The following NDUFAF2 variants were observed in gnomAD, a reference collection of about 807,000 sequenced individuals.
NDUFAF2 encodes NADH dehydrogenase [ubiquinone] 1 alpha subcomplex assembly factor 2.
Under a neutral mutation model 22.8 loss-of-function variants are expected in NDUFAF2, and 13 were observed. The ratio of observed to expected loss-of-function variants is 0.57; its 90% CI spans 0.37 to 0.91. NDUFAF2 has a LOEUF of 0.91. Ranked by LOEUF, NDUFAF2 falls within the 40% of genes least tolerant of loss-of-function variation. The pLI, the probability that NDUFAF2 is intolerant of heterozygous loss-of-function variation, is 0.01. For missense variants in NDUFAF2, 162 were observed against 195.2 expected (o/e 0.83, Z 1.01); for synonymous variants, 53 against 64.2 (o/e 0.83, Z 0.84).
chr5:61,031,505 A>G (rs1026738063), intron 1 of NDUFAF2, among the ~76,000 whole-genome samples: 1 of 115,158 alleles, frequency 8.7e-6, no homozygotes, highest in African/African-American at 2.7e-5. Context: ...TTATGGCTGC[A>G]TAGTATTCCA....
At chr5:61,025,197 ACAT>A (rs1751634641) in intron 1 of NDUFAF2, among the ~76,000 whole-genome samples, 1 of 152,010 alleles carries the variant, frequency 6.6e-6, no homozygotes, top group Admixed American at 6.6e-5. Flanking sequence ...TGTATTCTGC[ACAT>A]CTCCATAACC....
chr5:60,985,563 T>C (rs948542991), intron 1 of NDUFAF2, among the ~76,000 whole-genome samples: 6 of 152,228 alleles, frequency 3.9e-5, no homozygotes, highest in African/African-American at 7.2e-5. Flanking sequence ...CACACTGCTT[T>C]AAATGTGTCC....
At chr5:61,108,972 AT>A (rs1423893986) in intron 3 of NDUFAF2, among the ~76,000 whole-genome samples, 2 of 151,440 alleles carry the variant, frequency 1.3e-5, no homozygotes, top group African/African-American at 4.9e-5. Flanking sequence ...TAATTTTAGA[AT>A]TTTTTTTCTA....
chr5:61,013,231 A>C (rs1393542215), intron 1 of NDUFAF2, among the ~76,000 whole-genome samples: 3 of 152,166 alleles, frequency 2.0e-5, no homozygotes. Flanking sequence ...CAGCTGATAA[A>C]TAAAAAATAT....
At position 60,945,327 on chromosome 5, in the gene NDUFAF2, C is replaced by G; in HGVS notation, c.72C>G (p.Gly24=). The G allele has an allele frequency of 6.2e-7, 1 of 1,614,122 alleles. No homozygotes were observed. The highest frequency in any genetic ancestry group is 1.1e-5 in the South Asian group (1 of 91,064). The change falls in exon 1 of 4, where the codon GGC becomes GGG. Residue 24 remains glycine (G), a synonymous_variant. Transcript: ENST00000296597. ...CAAGGGAAGTGAAGGAGCACGTGGG[C>G]ACGGACCAATTCGGGAACAAATACT... is the stretch of plus-strand genomic sequence containing the variant. ...SLSREVKEHV[G]TDQFGNKYYY... is the part of the protein sequence containing the mutation.
chr5:61,003,952 C>T (rs1400914880), intron 1 of NDUFAF2, among the ~76,000 whole-genome samples: 1 of 152,088 alleles, frequency 6.6e-6, no homozygotes, highest in African/African-American at 2.4e-5. Context: ...CAAGCACGAG[C>T]TACTGTGCCC....
At chr5:60,985,073 C>A (rs1751053147) in intron 1 of NDUFAF2, among the ~76,000 whole-genome samples, 1 of 152,130 alleles carries the variant, frequency 6.6e-6, no homozygotes, top group South Asian at 2.1e-4. Context: ...AATTTCAGAG[C>A]CTGTTATTGG....
chr5:61,049,844 A>G (rs1241064288), intron 1 of NDUFAF2, among the ~76,000 whole-genome samples: 1 of 151,438 alleles, frequency 6.6e-6, no homozygotes, highest in African/African-American at 2.4e-5. Context: ...ACACACATAC[A>G]CAATGAAAAT....
At chr5:60,983,581 GGTGTAAGGAAGGGATCCA>G (rs1242753315) in intron 1 of NDUFAF2, among the ~76,000 whole-genome samples, 2 of 150,252 alleles carry the variant, frequency 1.3e-5, no homozygotes, top group African/African-American at 4.9e-5. Flanking sequence ...TTTTGTATAA[GGTGTAAGGAAGGGATCCA>G]GTTTCAGCTT....
chr5:61,103,201 C>G (rs1005883761), intron 3 of NDUFAF2, among the ~76,000 whole-genome samples: 8 of 152,064 alleles, frequency 5.3e-5, no homozygotes, highest in African/African-American at 1.7e-4. Flanking sequence ...TGATTTGGGC[C>G]CAGCCCGACT....
At chr5:61,111,261 T>C (rs1288819490) in intron 3 of NDUFAF2, among the ~76,000 whole-genome samples, 2 of 152,204 alleles carry the variant, frequency 1.3e-5, no homozygotes, top group Non-Finnish European at 2.9e-5. Context: ...ATGATCCATG[T>C]GCTTAACGAG....
intron 1 of NDUFAF2, among the ~76,000 whole-genome samples, chr5:60,984,215 T>G (rs149249183): frequency 0.57 from 86,650 of 151,978 alleles, 26,000 homozygotes; most frequent in East Asian, 0.94. Flanking sequence ...TATTGGTGTA[T>G]AAGAATGCCT....
chr5:61,008,841 G>C (rs1751406970), intron 1 of NDUFAF2, among the ~76,000 whole-genome samples: 1 of 151,990 alleles, frequency 6.6e-6, no homozygotes, highest in South Asian at 2.1e-4. Flanking sequence ...ATATTGACTA[G>C]GGCCTTGAAG....
At chr5:61,045,663 G>C (rs1751944892) in intron 1 of NDUFAF2, among the ~76,000 whole-genome samples, 1 of 147,680 alleles carries the variant, frequency 6.8e-6, no homozygotes, top group African/African-American at 2.5e-5. Flanking sequence ...ATAGTTTACT[G>C]TTAGTGTATT....
chr5:61,097,557 C>T (rs185839038), intron 2 of NDUFAF2, among the ~76,000 whole-genome samples: 75 of 152,284 alleles, frequency 4.9e-4, no homozygotes, highest in African/African-American at 1.7e-3. Flanking sequence ...TAGAGCTGGT[C>T]ACAAGAGATA....
At chr5:61,089,008 G>A (rs1413647666) in intron 2 of NDUFAF2, among the ~76,000 whole-genome samples, 2 of 152,002 alleles carry the variant, frequency 1.3e-5, no homozygotes, top group Admixed American at 6.6e-5. Context: ...TATTGACAAC[G>A]CTTCTAAAGG....
intron 1 of NDUFAF2, among the ~76,000 whole-genome samples, chr5:61,004,433 A>G (rs1247077142): frequency 6.6e-6 from 1 of 152,130 alleles, no homozygotes; most frequent in African/African-American, 2.4e-5. Flanking sequence ...ACTATTGAGG[A>G]GTATTTCAAA....
chr5:61,103,752 G>T (rs941731505), intron 3 of NDUFAF2, among the ~76,000 whole-genome samples: 3 of 152,000 alleles, frequency 2.0e-5, no homozygotes, highest in African/African-American at 7.2e-5. Context: ...TCTGTATTTT[G>T]TTCATAGGAA....
At chr5:61,059,035 G>A (rs1289930890) in intron 1 of NDUFAF2, among the ~76,000 whole-genome samples, 1 of 151,986 alleles carries the variant, frequency 6.6e-6, no homozygotes, top group Non-Finnish European at 1.5e-5. Flanking sequence ...TAATATTCAA[G>A]TGTTATTTCT....
Sources: allele counts gnomAD v4.1 joint callset (sites outside exome capture counted in the v4.1 genomes callset), GRCh38; gene constraint gnomAD v4.1.1; transcripts MANE v1.5; gene names NCBI Gene and HGNC (gene_info 2026-07-23, HGNC 2026-07-21).